The following ZDHHC24 variants were observed in gnomAD, a reference collection of about 807,000 sequenced individuals.
The protein encoded by ZDHHC24 is probable palmitoyltransferase ZDHHC24.
In ZDHHC24, 17 loss-of-function variants were observed where a neutral mutation model predicts 23.2. The ratio of observed to expected loss-of-function variants is 0.73; its 90% CI spans 0.50 to 1.10. The LOEUF (loss-of-function observed/expected upper bound fraction) is 1.10. Ranked by LOEUF, ZDHHC24 falls within the 50% of genes least tolerant of loss-of-function variation. The probability of loss-of-function intolerance (pLI) is 0.00; values close to 1 mark genes in which losing one functional copy is unlikely to be tolerated. For synonymous variants in ZDHHC24, 186 were observed against 194.5 expected, an observed-to-expected ratio of 0.96 and a Z score of 0.36; for missense variants, 366 against 393.0, an observed-to-expected ratio of 0.93 and a Z score of 0.58.
In ZDHHC24 at chr11:66,535,852, G is replaced by A. The variant is rs941033697; in HGVS notation, c.*3677C>T. 7 of 152,280 alleles carry A rather than the reference G, an allele frequency of 4.6e-5. No homozygotes were observed. The highest frequency in any genetic ancestry group is 1.7e-4 in the African/African-American group (7 of 41,554). The allele number at this position is 152,280 out of a possible 1,614,324, so 9.4% of individuals were successfully genotyped here. A position where few individuals can be genotyped will look rare whatever the true frequency, so the allele number is the denominator to read the frequency against. ...GGGCCGAGACTAGAGTTTAGGAGATGATTCCCAAAGGGCACAGGGGCAGAA... is the reference window on the plus strand; with the variant it reads ...GGGCCGAGACTAGAGTTTAGGAGATAATTCCCAAAGGGCACAGGGGCAGAA... On this transcript the variant is annotated 3_prime_UTR_variant, in exon 3 of 3. Coordinates refer to ENST00000310442, the MANE Select transcript of ZDHHC24 (RefSeq NM_207340.3).
In ZDHHC24 at chr11:66,530,007, G is replaced by A. The variant is rs367723875; in HGVS notation, c.560-519C>T. 1.5e-4 allele frequency: 236 copies of A among 1,559,092 alleles called. 2 individuals are homozygous for A. The highest frequency in any genetic ancestry group is 1.3e-3 in the African/African-American group (98 of 73,910). On this transcript the variant is annotated intron_variant, in intron 2 of 4. Coordinates refer to the ZDHHC24 transcript ENST00000526986. Reference sequence around the variant, plus strand: ...GCCAGAGGGGCAGAGGCCAGGATGCGCAGGAACCCCTCTGCCACACAGCTA... The same window carrying A: ...GCCAGAGGGGCAGAGGCCAGGATGCACAGGAACCCCTCTGCCACACAGCTA...
chr11:66,535,653 T>C lies in ZDHHC24; in HGVS notation c.*3876A>G, dbSNP rs1238506120. On this transcript the variant is annotated 3_prime_UTR_variant, in exon 3 of 3. Transcript: ENST00000310442. ...TATGGGAAAAGGTACACAACTTTAT[T>C]GAAAACATTGAGTGCAGAAATAAAC... Among the ~76,000 whole-genome samples, 1 of 152,210 alleles carries C rather than the reference T, an allele frequency of 6.6e-6. No individual in the cohort carries two copies. The highest frequency in any genetic ancestry group is 1.5e-5 in the Non-Finnish European group (1 of 68,046).
Position 66,523,453 on chromosome 11 carries a change from C to T in ZDHHC24, c.*22-1987G>A, listed in dbSNP as rs113994179. 5.0e-6 allele frequency: 8 copies of T among 1,614,120 alleles called. No individual in the cohort carries two copies. The highest frequency in any genetic ancestry group is 6.8e-6 in the Non-Finnish European group (8 of 1,180,014). ...GCCAGACAGTGTGTTGTTTATTCCA[C>T]AGAGACTCCAAGCACCCCAAGTACT... On this transcript the variant is annotated intron_variant, in intron 4 of 4. Transcript: ENST00000526986.
intron 2 of ZDHHC24, among the ~76,000 whole-genome samples, chr11:66,530,371 C>T (rs917178683): frequency 2.0e-5 from 3 of 152,108 alleles, no homozygotes; most frequent in East Asian, 1.9e-4. Context: ...CCGCAAGCAC[C>T]GAGACCAGCA....
At chr11:66,521,095 G>T in exon 5 of ZDHHC24, 2 of 668,740 alleles carry the variant, frequency 3.0e-6, no homozygotes, top group Non-Finnish European at 5.4e-6. Context: ...AGACTAAAAG[G>T]CTTTTGCTAA....
chr11:66,537,891 G>T lies in ZDHHC24; in HGVS notation c.*1638C>A, dbSNP rs193008825. 5 of 150,960 alleles carry T rather than the reference G, an allele frequency of 3.3e-5. No homozygotes were observed. Among genetic ancestry groups the T allele is most frequent in the Non-Finnish European group, 7.4e-5 (5 of 67,656 alleles). The allele number at this position is 150,960 out of a possible 1,614,324, so 9.4% of individuals were successfully genotyped here. A position where few individuals can be genotyped will look rare whatever the true frequency, so the allele number is the denominator to read the frequency against. ...TGCAGTGAGCCGAGATCGTGCCACT[G>T]CACTCCAGCCTGGCAACAGAACAAG... On this transcript the variant is annotated 3_prime_UTR_variant, in exon 3 of 3. Transcript: ENST00000310442.
At chr11:66,527,891 G>T (rs1856589783) in intron 3 of ZDHHC24, among the ~76,000 whole-genome samples, 1 of 152,048 alleles carries the variant, frequency 6.6e-6, no homozygotes. Flanking sequence ...CCCCAGACAG[G>T]GCAGGGCAGG....
At position 66,539,808 on chromosome 11, in the gene ZDHHC24, T is replaced by G. The variant is rs1300698308; in HGVS notation, c.576A>C (p.Ala192=). The G allele has an allele frequency of 6.2e-7, 1 of 1,603,022 alleles. No individual in the cohort carries two copies. Among genetic ancestry groups the G allele is most frequent in the Non-Finnish European group, 8.5e-7 (1 of 1,173,606 alleles). The part of the protein sequence containing the change: ...LMLLTGRVSL[A]QFALAFVTDT... ...CCGTCACGAAGGCCAAGGCAAACTG[T>G]GCCAGAGACACTCTGCCTGCAATAA... is the stretch of plus-strand genomic sequence containing the variant. The change falls in exon 3 of 3, where the codon GCA becomes GCC. Residue 192 remains alanine (A), a synonymous_variant. Transcript: ENST00000310442.
Position 66,545,997 on chromosome 11 carries a change from G to C in ZDHHC24, c.7C>G (p.Gln3Glu). The change falls in exon 1 of 3, where the codon CAG (glutamine) becomes GAG (glutamate). Residue 3 changes from glutamine to glutamate, a missense_variant. Transcript: ENST00000310442. This position sits in a 1 kb window ranked among gnomAD's most constrained non-coding sequence, Gnocchi z 4.5. ...TCCGTGCTCCCAGCCGCCCAGGGCT[G>C]CCCCATGGCCTGGACACCCAGCTGT... MG[Q>E]PWAAGSTDGA... is the part of the protein sequence containing the mutation. 2 of 1,395,660 alleles carry C rather than the reference G, an allele frequency of 1.4e-6. No individual in the cohort carries two copies. The highest frequency in any genetic ancestry group is 1.6e-5 in the South Asian group (1 of 62,356). The allele number at this position is 1,395,660 out of a possible 1,614,324, so 86.5% of individuals were successfully genotyped here.
intron 2 of ZDHHC24, among the ~76,000 whole-genome samples, chr11:66,541,229 C>T (rs1406362729): frequency 2.6e-5 from 4 of 151,626 alleles, no homozygotes; most frequent in Non-Finnish European, 5.9e-5. Flanking sequence ...TGGAGAAACT[C>T]CGTCTGTACT....
downstream of ZDHHC24, chr11:66,531,580 C>T (rs1018760093): frequency 1.0e-5 from 16 of 1,584,912 alleles, no homozygotes; most frequent in East Asian, 2.2e-5. Flanking sequence ...GTGGAGACTG[C>T]GGGCCTGAAT....
chr11:66,531,781 ACC>A, downstream of ZDHHC24: 1 of 1,612,310 alleles, frequency 6.2e-7, no homozygotes, highest in Non-Finnish European at 8.5e-7. Context: ...GGTGAGCAGG[ACC>A]CTGGGGAGGA....
chr11:66,523,241 C>T, intron 4 of ZDHHC24: 1 of 691,724 alleles, frequency 1.4e-6, no homozygotes, highest in African/African-American at 1.8e-5. Flanking sequence ...GGGAGGAAGA[C>T]AAGACACCAT....
Position 66,521,761 on chromosome 11 carries a change from T to C in ZDHHC24, c.*22-295A>G, listed in dbSNP as rs11822730. 4.2e-3 allele frequency: 1,307 copies of C among 308,202 alleles called. 20 individuals are homozygous for C. Among genetic ancestry groups the C allele is most frequent in the African/African-American group, 0.026 (1,211 of 46,166 alleles). 19.1% of individuals were successfully genotyped at this position (308,202 alleles called of 1,614,324 possible). A position where few individuals can be genotyped will look rare whatever the true frequency, so the allele number is the denominator to read the frequency against. Reference sequence around the variant, plus strand: ...TCTCTACTAAAAATACAAAATTAGCTGGGCATGGTGGCGCATGCCTCTAGC... The same window carrying C: ...TCTCTACTAAAAATACAAAATTAGCCGGGCATGGTGGCGCATGCCTCTAGC... On this transcript the variant is annotated intron_variant, in intron 4 of 4. Transcript: ENST00000526986.
At chr11:66,529,266 G>T in intron 3 of ZDHHC24, 1 of 1,530,766 alleles carries the variant, frequency 6.5e-7, no homozygotes, top group Non-Finnish European at 8.7e-7. Flanking sequence ...GTGAGGGGTG[G>T]ACCTAGGTGA....
Position 66,539,648 on chromosome 11 carries a change from G to A in ZDHHC24, c.736C>T (p.Gln246Ter). Reference sequence around the variant, plus strand: ...GCCCAGCGGGGCCCCAGGGCTGCCTGCAGGTTGTGGCAGGGACCCAGGTCA... The same window carrying A: ...GCCCAGCGGGGCCCCAGGGCTGCCTACAGGTTGTGGCAGGGACCCAGGTCA... The part of the protein sequence containing the change: ...SYDLGPCHNL[Q>*]AALGPRWALV... The change falls in exon 3 of 3, where the codon CAG (glutamine) becomes TAG (stop). Residue 246 changes from glutamine (Q) to a stop codon, truncating the protein, a stop_gained. Coordinates refer to ENST00000310442, the MANE Select transcript of ZDHHC24 (RefSeq NM_207340.3). LOFTEE classifies it high-confidence loss of function. 1.2e-6 allele frequency: 2 copies of A among 1,612,214 alleles called. No homozygotes were observed. The highest frequency in any genetic ancestry group is 1.7e-6 in the Non-Finnish European group (2 of 1,179,596).
downstream of ZDHHC24, chr11:66,531,986 G>C: frequency 6.2e-7 from 1 of 1,606,692 alleles, no homozygotes; most frequent in Non-Finnish European, 8.5e-7. Flanking sequence ...GTGCACCCCT[G>C]CTGAGTGCCC....
chr11:66,545,881 G>C lies in ZDHHC24; in HGVS notation c.123C>G (p.Pro41=). 1 of 1,544,922 alleles carries C rather than the reference G, an allele frequency of 6.5e-7. No individual in the cohort carries two copies. ...LELAYVLVLG[P]GPPPLGPLAR... ...CCAGGGGTCCCAGCGGCGGCGGCCC[G>C]GGACCGAGCACCAGCACGTAAGCCA... Residue 41 remains proline (P), a synonymous_variant, in exon 1 of 3, where the codon CCC becomes CCG. Coordinates refer to ENST00000310442, the MANE Select transcript of ZDHHC24 (RefSeq NM_207340.3). The surrounding 1 kb of genome is among the most constrained non-coding windows in gnomAD (Gnocchi z 4.5).
chr11:66,527,114 CG>C, intron 3 of ZDHHC24: 3 of 1,176,304 alleles, frequency 2.6e-6, no homozygotes, highest in Non-Finnish European at 2.4e-6. Flanking sequence ...TGGTGGCTCA[CG>C]CCTGTAATCC....
Sources: gnomAD v4.1 joint callset for allele counts (sites outside exome capture counted in the v4.1 genomes callset) on GRCh38, gnomAD v4.1.1 for gene constraint, Gnocchi (gnomAD v3.1) non-coding constraint, MANE v1.5 for transcripts, NCBI Gene and HGNC (gene_info 2026-07-23, HGNC 2026-07-21) for gene names.